The following GRID1 variants were observed in gnomAD, a reference collection of about 807,000 sequenced individuals.
The protein encoded by GRID1 is glutamate receptor ionotropic, delta-1.
A neutral mutation model predicts 98.0 loss-of-function variants in GRID1; 28 were observed. That is an observed-to-expected ratio of 0.29 (90% CI 0.21 to 0.39). The LOEUF (loss-of-function observed/expected upper bound fraction) is 0.39. GRID1 is among the 10% of genes least tolerant of loss of function. The probability of loss-of-function intolerance (pLI) is 1.00; values close to 1 mark genes in which losing one functional copy is unlikely to be tolerated. For synonymous variants in GRID1, 553 were observed against 538.5 expected (o/e 1.03, Z -0.37); for missense variants, 1,111 against 1,340.5 (o/e 0.83, Z 2.67).
intron 2 of GRID1, among the ~76,000 whole-genome samples, chr10:86,240,914 A>T (rs75867642): frequency 0.12 from 18,484 of 152,248 alleles, 1,196 homozygotes; most frequent in Middle Eastern, 0.22. Flanking sequence ...CAATGTGGAA[A>T]GGCGTGGAAG....
intron 2 of GRID1, among the ~76,000 whole-genome samples, chr10:86,211,748 G>T (rs1183751532): frequency 6.6e-6 from 1 of 152,160 alleles, no homozygotes; most frequent in Non-Finnish European, 1.5e-5. Context: ...TAGTTGCTTG[G>T]CCAGGGCCAC....
Position 85,724,396 on chromosome 10 carries a change from A to T in GRID1, c.1814T>A (p.Leu605Gln). The part of the protein sequence containing the change: ...AQPRPSASAT[L>Q]HSAIWIVYGA... Reference sequence around the variant, plus strand: ...ATAGACAATCCAGATGGCGCTGTGCAGAGTGGCAGAAGCTGACGGCCTGGG... The same window carrying T: ...ATAGACAATCCAGATGGCGCTGTGCTGAGTGGCAGAAGCTGACGGCCTGGG... Residue 605 changes from leucine (L) to glutamine (Q), a missense_variant, in exon 11 of 16, where the codon CTG (leucine) becomes CAG (glutamine). By Grantham distance (113) the Leu-to-Gln change is moderately radical. Around this residue, in one of 3 missense-constraint regions of GRID1, gnomAD observed 762 missense variants for 869.1 expected, o/e 0.88. Transcript: ENST00000327946. 1 of 1,614,152 alleles carries T rather than the reference A, an allele frequency of 6.2e-7. No homozygotes were observed. Among genetic ancestry groups the T allele is most frequent in the Middle Eastern group, 1.6e-4 (1 of 6,062 alleles).
intron 4 of GRID1, among the ~76,000 whole-genome samples, chr10:86,080,223 A>G (rs1316762818): frequency 5.3e-5 from 8 of 151,548 alleles, no homozygotes. Context: ...AATCCCAGCT[A>G]CTCAGGAGGC....
chr10:85,714,284 C>G (rs1841613996), intron 12 of GRID1, among the ~76,000 whole-genome samples: 2 of 151,760 alleles, frequency 1.3e-5, no homozygotes, highest in Admixed American at 1.3e-4. Flanking sequence ...AGGAGCGTAT[C>G]AGAAAAAAAT....
chr10:85,992,427 G>A (rs1459158464), intron 4 of GRID1, among the ~76,000 whole-genome samples: 1 of 152,112 alleles, frequency 6.6e-6, no homozygotes, highest in East Asian at 1.9e-4. Flanking sequence ...AGATTATTAT[G>A]GGTCAGTATC....
intron 2 of GRID1, among the ~76,000 whole-genome samples, chr10:86,328,896 C>T (rs182001511): frequency 9.1e-4 from 138 of 152,230 alleles, no homozygotes; most frequent in African/African-American, 3.3e-3. Flanking sequence ...GTCACCCCAC[C>T]CCCAGCCTCT....
chr10:86,056,655 GC>G (rs1302471259), intron 4 of GRID1, among the ~76,000 whole-genome samples: 2 of 152,162 alleles, frequency 1.3e-5, no homozygotes, highest in Non-Finnish European at 2.9e-5. Context: ...AGTTGCTTCC[GC>G]CCACCAGCAT....
intron 8 of GRID1, among the ~76,000 whole-genome samples, chr10:85,821,324 C>T (rs974830903): frequency 6.6e-6 from 1 of 151,520 alleles, no homozygotes; most frequent in Non-Finnish European, 1.5e-5. Context: ...TGGAGCCCAG[C>T]AGACCAACAT....
intron 2 of GRID1, among the ~76,000 whole-genome samples, chr10:86,230,207 G>A (rs1042683882): frequency 6.6e-6 from 1 of 152,142 alleles, no homozygotes; most frequent in Non-Finnish European, 1.5e-5. Flanking sequence ...TCACCCTACA[G>A]TCCCGCCCCA....
intron 3 of GRID1, among the ~76,000 whole-genome samples, chr10:86,172,452 G>C (rs912184465): frequency 5.3e-5 from 8 of 152,180 alleles, no homozygotes; most frequent in Non-Finnish European, 1.0e-4. Context: ...CCAGGTCAGA[G>C]GATTACTGAG....
In GRID1 at chr10:86,115,899, C is replaced by T. The variant is rs1016510070; in HGVS notation, c.726+22920G>A. On this transcript the variant is annotated intron_variant, in intron 4 of 15. Coordinates refer to ENST00000327946, the MANE Select transcript of GRID1 (RefSeq NM_017551.3). ...AGAAGATTATATTGCTGAATTTTTA[C>T]TGTACCTTTTCTGTTTAGGTGTGTT... 4.6e-5 allele frequency among the ~76,000 whole-genome samples: 7 copies of T among 152,340 alleles called. 1 individual carries two copies. The highest frequency in any genetic ancestry group is 2.0e-4 in the Admixed American group (3 of 15,302).
chr10:86,015,995 G>T (rs1842975165), intron 4 of GRID1, among the ~76,000 whole-genome samples: 1 of 152,078 alleles, frequency 6.6e-6, no homozygotes, highest in African/African-American at 2.4e-5. Flanking sequence ...GTGTTGAGGG[G>T]TTGCCACATA....
chr10:85,878,134 C>A (rs1450297454), intron 5 of GRID1, among the ~76,000 whole-genome samples: 2 of 152,170 alleles, frequency 1.3e-5, no homozygotes, highest in Non-Finnish European at 2.9e-5. Context: ...AAGACCAAAT[C>A]TACGTCTGAT....
intron 3 of GRID1, among the ~76,000 whole-genome samples, chr10:86,176,512 C>T (rs1845577972): frequency 6.6e-6 from 1 of 152,224 alleles, no homozygotes; most frequent in Non-Finnish European, 1.5e-5. Flanking sequence ...AGAGCTAAAG[C>T]AGTTCAGCAC....
chr10:86,166,464 G>A (rs1845400449), intron 3 of GRID1, among the ~76,000 whole-genome samples: 1 of 152,196 alleles, frequency 6.6e-6, no homozygotes, highest in Admixed American at 6.5e-5. Context: ...CATTTACTGA[G>A]CCAGGAGGTG....
chr10:85,781,328 T>C (rs1235674146), intron 8 of GRID1, among the ~76,000 whole-genome samples: 1 of 152,220 alleles, frequency 6.6e-6, no homozygotes, highest in Admixed American at 6.5e-5. Flanking sequence ...ACATTTCCCT[T>C]CAAATATTGA....
At chr10:85,765,101 C>G (rs180852959) in intron 8 of GRID1, among the ~76,000 whole-genome samples, 15 of 152,156 alleles carry the variant, frequency 9.9e-5, no homozygotes, top group Admixed American at 7.9e-4. Context: ...AAAACAACCC[C>G]ATAATTTTGT....
chr10:85,659,213 G>C (rs1180533282), intron 12 of GRID1, among the ~76,000 whole-genome samples: 1 of 152,238 alleles, frequency 6.6e-6, no homozygotes, highest in South Asian at 2.1e-4. Flanking sequence ...ACCTGTTCCG[G>C]CCTGGGTGTG....
intron 14 of GRID1, among the ~76,000 whole-genome samples, chr10:85,616,739 A>G (rs535658891): frequency 1.3e-5 from 2 of 152,212 alleles, no homozygotes; most frequent in Admixed American, 6.5e-5. Context: ...ACTAATGCAC[A>G]CCATAATAAT....
Sources: gnomAD v4.1 joint callset for allele counts (sites outside exome capture counted in the v4.1 genomes callset) on GRCh38, gnomAD v4.1.1 for gene constraint, gnomAD v4.1.1 regional missense constraint, MANE v1.5 for transcripts, NCBI Gene and HGNC (gene_info 2026-07-23, HGNC 2026-07-21) for gene names.